GRIA1: variants seen among roughly 807,000 people sequenced by gnomAD.
GRIA1 encodes glutamate receptor 1.
In GRIA1, 31 loss-of-function variants were observed where a neutral mutation model predicts 99.2. The ratio of observed to expected loss-of-function variants is 0.31; its 90% CI spans 0.23 to 0.42. The LOEUF (loss-of-function observed/expected upper bound fraction) is 0.42, where lower values mean the gene tolerates loss of function less well. GRIA1 is among the 10% of genes least tolerant of loss of function. The probability of loss-of-function intolerance (pLI) is 1.00; values close to 1 mark genes in which losing one functional copy is unlikely to be tolerated. For synonymous variants in GRIA1, 438 were observed against 432.4 expected (o/e 1.01, Z -0.16); for missense variants, 782 against 1,157.5 (o/e 0.68, Z 4.71).
At chr5:153,691,593 C>T (rs1757759685) in intron 8 of GRIA1, among the ~76,000 whole-genome samples, 2 of 152,184 alleles carry the variant, frequency 1.3e-5, no homozygotes, top group Admixed American at 1.3e-4. Flanking sequence ...CTTCTAAAGT[C>T]CCAAAGAATT....
intron 2 of GRIA1, among the ~76,000 whole-genome samples, chr5:153,615,981 A>G (rs912998355): frequency 3.9e-5 from 6 of 152,096 alleles, no homozygotes; most frequent in Non-Finnish European, 8.8e-5. Context: ...GAACTACAAG[A>G]CTTTGCAGTA....
chr5:153,697,441 A>G (rs912406381), intron 8 of GRIA1, among the ~76,000 whole-genome samples: 9 of 152,140 alleles, frequency 5.9e-5, no homozygotes, highest in Admixed American at 5.9e-4. Context: ...AACCTACTCA[A>G]ATTTGAAAAA....
chr5:153,515,538 G>A (rs1480802654), intron 2 of GRIA1, among the ~76,000 whole-genome samples: 1 of 152,176 alleles, frequency 6.6e-6, no homozygotes, highest in Non-Finnish European at 1.5e-5. Flanking sequence ...AAGTTCTGGT[G>A]AGATATTGCA....
At chr5:153,544,073 C>T (rs1396183514) in intron 2 of GRIA1, among the ~76,000 whole-genome samples, 1 of 152,060 alleles carries the variant, frequency 6.6e-6, no homozygotes, top group Non-Finnish European at 1.5e-5. Flanking sequence ...GGGAGTCACA[C>T]AGAATCTGGG....
intron 2 of GRIA1, among the ~76,000 whole-genome samples, chr5:153,621,139 C>T (rs1382437517): frequency 6.6e-6 from 1 of 152,084 alleles, no homozygotes; most frequent in Non-Finnish European, 1.5e-5. Flanking sequence ...TATATACTTG[C>T]ATATCTATAT....
At chr5:153,506,287 G>C (rs1230437752) in intron 2 of GRIA1, among the ~76,000 whole-genome samples, 1 of 150,318 alleles carries the variant, frequency 6.7e-6, no homozygotes, top group Non-Finnish European at 1.5e-5. Flanking sequence ...GAATACTCAA[G>C]AGTTGTTGCT....
intron 10 of GRIA1, among the ~76,000 whole-genome samples, 175 bp from the exon 11 acceptor site, chr5:153,705,522 A>C (rs377290582): frequency 9.4e-4 from 143 of 152,252 alleles, no homozygotes; most frequent in South Asian, 3.5e-3. Flanking sequence ...CTGACCATCC[A>C]TTCATCAAAA....
intron 11 of GRIA1, among the ~76,000 whole-genome samples, chr5:153,759,223 A>T (rs7726883): frequency 0.38 from 57,236 of 150,702 alleles, 11,981 homozygotes; most frequent in East Asian, 0.93. Flanking sequence ...AATCATAAAG[A>T]CCAGAACAGA....
At position 153,493,974 on chromosome 5, in the gene GRIA1, A is replaced by T; in HGVS notation, c.129A>T (p.Arg43Ser). The T allele has an allele frequency of 1.9e-6, 3 of 1,614,024 alleles. No homozygotes were observed. The highest frequency in any genetic ancestry group is 3.3e-4 in the Middle Eastern group (2 of 6,062). Residue 43 changes from arginine to serine, a missense_variant, in exon 2 of 16, where the codon AGA becomes AGT. This residue lies in a region of GRIA1 where 461 missense variants were observed against 521.7 expected (regional missense o/e 0.88). Coordinates refer to ENST00000285900, the MANE Select transcript of GRIA1 (RefSeq NM_000827.4). The stretch of plus-strand genomic sequence containing the variant: ...AGTCACAGGAACATGCTGCTTTTAG[A>T]TTTGCTTTGTCGCAACTCACAGAGC... ...NQQSQEHAAF[R>S]FALSQLTEPP...
intron 2 of GRIA1, among the ~76,000 whole-genome samples, chr5:153,541,243 A>G (rs537131696): frequency 2.0e-4 from 31 of 152,292 alleles, no homozygotes; most frequent in African/African-American, 7.5e-4. Flanking sequence ...CTGAGTAGAC[A>G]TGAGCTTTTC....
intron 2 of GRIA1, among the ~76,000 whole-genome samples, chr5:153,576,993 GATGA>G (rs1762600906): frequency 2.9e-5 from 4 of 137,828 alleles, no homozygotes; most frequent in Admixed American, 7.6e-5. Context: ...TGGGTGAGTG[GATGA>G]ATGGATGGAT....
intron 11 of GRIA1, among the ~76,000 whole-genome samples, chr5:153,753,377 G>A (rs1343645516): frequency 1.3e-5 from 2 of 152,214 alleles, no homozygotes; most frequent in African/African-American, 4.8e-5. Context: ...AGTCAGTGCT[G>A]CTGAGATCCA....
At chr5:153,602,040 A>G (rs1183352391) in intron 2 of GRIA1, among the ~76,000 whole-genome samples, 2 of 152,182 alleles carry the variant, frequency 1.3e-5, no homozygotes, top group Non-Finnish European at 2.9e-5. Context: ...ACTATATACC[A>G]AAGGACTATA....
intron 13 of GRIA1, among the ~76,000 whole-genome samples, chr5:153,783,711 C>G (rs1764786381): frequency 6.6e-6 from 1 of 152,220 alleles, no homozygotes; most frequent in Non-Finnish European, 1.5e-5. Flanking sequence ...AAAAGTACTC[C>G]TTCATTCAAC....
intron 8 of GRIA1, among the ~76,000 whole-genome samples, chr5:153,690,186 GGTGCGTAAAGA>G (rs1376757506): frequency 6.6e-6 from 1 of 151,920 alleles, no homozygotes; most frequent in Non-Finnish European, 1.5e-5. Flanking sequence ...TTTTCTGGTT[GGTGCGTAAAGA>G]GTTTGATAAG....
intron 11 of GRIA1, 57 bp downstream of exon 11, chr5:153,706,124 G>T (rs1316115307): frequency 2.0e-6 from 3 of 1,497,904 alleles, no homozygotes; most frequent in African/African-American, 2.8e-5. Flanking sequence ...TTGTTTGTTT[G>T]TTTGTTTGTT....
At chr5:153,518,811 A>G (rs1338097288) in intron 2 of GRIA1, among the ~76,000 whole-genome samples, 1 of 152,186 alleles carries the variant, frequency 6.6e-6, no homozygotes, top group Non-Finnish European at 1.5e-5. Flanking sequence ...GCGAGGTTCA[A>G]ATAACTGGGC....
At chr5:153,716,385 C>T (rs913956647) in intron 11 of GRIA1, among the ~76,000 whole-genome samples, 3 of 152,150 alleles carry the variant, frequency 2.0e-5, no homozygotes, top group Admixed American at 2.0e-4. Flanking sequence ...CCTTAGGGCT[C>T]CCCAGGGATT....
chr5:153,759,305 C>T (rs775743497), intron 11 of GRIA1, among the ~76,000 whole-genome samples: 6 of 151,416 alleles, frequency 4.0e-5, no homozygotes, highest in Admixed American at 2.0e-4. Flanking sequence ...ATAAAACTGA[C>T]GAACCTTTAG....
Sources: gnomAD v4.1 joint callset for allele counts (sites outside exome capture counted in the v4.1 genomes callset) on GRCh38, gnomAD v4.1.1 for gene constraint, gnomAD v4.1.1 regional missense constraint, MANE v1.5 for transcripts, NCBI Gene and HGNC (gene_info 2026-07-23, HGNC 2026-07-21) for gene names.